The following LGR6 variants were observed in gnomAD, a reference collection of about 807,000 sequenced individuals.
LGR6 encodes the protein leucine rich repeat containing G protein-coupled receptor 6.
In LGR6, 45 loss-of-function variants were observed where a neutral mutation model predicts 69.4. That is an observed-to-expected ratio of 0.65 (90% confidence interval 0.51 to 0.83). The LOEUF is 0.83. Ranked by LOEUF, LGR6 falls within the 40% of genes least tolerant of loss-of-function variation. The pLI is 0.00. For missense variants in LGR6, 1,108 were observed against 1,246.7 expected (o/e 0.89, Z 1.68); for synonymous variants, 538 against 555.0 (o/e 0.97, Z 0.43).
rs1291283436 is a variant in LGR6, at chr1:202,193,942, G to T, written c.-48G>T. The T allele has an allele frequency of 1.7e-6, 2 of 1,199,958 alleles. No homozygotes were observed. The highest frequency in any genetic ancestry group is 2.1e-6 in the Non-Finnish European group (2 of 944,434). The allele number at this position is 1,199,958 out of a possible 1,614,324, so 74.3% of individuals were successfully genotyped here. A position where few individuals can be genotyped will look rare whatever the true frequency, so the allele number is the denominator to read the frequency against. Reference sequence around the variant, plus strand: ...AGGAAGCAGCTGCGGCCATCGCGCCGTGCGTCCGCGCCCGGCCGCCAGGTG... The same window carrying T: ...AGGAAGCAGCTGCGGCCATCGCGCCTTGCGTCCGCGCCCGGCCGCCAGGTG... On this transcript the variant is annotated 5_prime_UTR_variant, in exon 1 of 18. Transcript: ENST00000367278.
chr1:202,305,115 C>A (rs1019783701), intron 11 of LGR6, among the ~76,000 whole-genome samples: 1 of 152,072 alleles, frequency 6.6e-6, no homozygotes, highest in Non-Finnish European at 1.5e-5. Flanking sequence ...ATGGGTGGAC[C>A]AACGCATAGT....
At chr1:202,234,556 A>G (rs565604541) in intron 3 of LGR6, among the ~76,000 whole-genome samples, 2 of 152,308 alleles carry the variant, frequency 1.3e-5, no homozygotes, top group South Asian at 4.1e-4. Context: ...CCACTATGAT[A>G]GATGCTGTGG....
intron 4 of LGR6, among the ~76,000 whole-genome samples, chr1:202,244,850 G>C (rs1311881198): frequency 1.3e-5 from 2 of 152,208 alleles, no homozygotes; most frequent in Non-Finnish European, 2.9e-5. Context: ...CTAGAGTCAG[G>C]AAGAAAAACA....
rs141252120 is a variant in LGR6 at position 202,318,326 on chromosome 1, C to G, written c.2023C>G (p.Arg675Gly). 6.3e-7 allele frequency: 1 copy of G among 1,594,090 alleles called. No homozygotes were observed. Among genetic ancestry groups the G allele is most frequent in the East Asian group, 2.2e-5 (1 of 44,516 alleles). ...GTGCAGCGTCTCCGTCTCCTGTGTC[C>G]GGGCCTATGGGAAGTCCCCCTCCCT... ...VQCSVSVSCV[R>G]AYGKSPSLGS... Residue 675 changes from arginine to glycine, a missense_variant, in exon 18 of 18, where the codon CGG becomes GGG. Transcript: ENST00000367278.
At chr1:202,266,428 G>A (rs1018574715) in intron 4 of LGR6, among the ~76,000 whole-genome samples, 2 of 152,088 alleles carry the variant, frequency 1.3e-5, no homozygotes, top group Non-Finnish European at 2.9e-5. Flanking sequence ...AGCGCCCTGT[G>A]TATCAGCAAG....
intron 3 of LGR6, among the ~76,000 whole-genome samples, chr1:202,231,684 A>G (rs6681437): frequency 0.45 from 68,488 of 152,166 alleles, 15,633 homozygotes; most frequent in African/African-American, 0.5. Flanking sequence ...GTTCATACAC[A>G]TGATGATCGG....
chr1:202,281,011 C>G (rs1382272993), intron 6 of LGR6, 159 bp downstream of exon 6: 1 of 610,790 alleles, frequency 1.6e-6, no homozygotes, highest in East Asian at 2.9e-5. Context: ...GGCACTTTCT[C>G]TGGAATATCA....
chr1:202,278,704 G>C (rs562598125), intron 5 of LGR6, among the ~76,000 whole-genome samples: 1 of 152,256 alleles, frequency 6.6e-6, no homozygotes, highest in South Asian at 2.1e-4. Flanking sequence ...GACTGGATAT[G>C]ATGGGAAGCA....
intron 5 of LGR6, among the ~76,000 whole-genome samples, chr1:202,279,248 C>G (rs765796937): frequency 1.1e-4 from 17 of 152,166 alleles, no homozygotes; most frequent in Non-Finnish European, 2.1e-4. Context: ...GTGTTTTCCC[C>G]TTTGGATCAG....
intron 4 of LGR6, among the ~76,000 whole-genome samples, chr1:202,256,903 T>A (rs1307736716): frequency 6.6e-6 from 1 of 152,236 alleles, no homozygotes; most frequent in Admixed American, 6.5e-5. Flanking sequence ...ATTATAGCCA[T>A]CCTAGTGGGT....
Position 202,245,719 on chromosome 1 carries a change from C to T in LGR6, c.428+9726C>T, listed in dbSNP as rs529287312. ...GTGTAGGTGCAATTAAGCCCCCAGT[C>T]GGGACCAGGAGGTGGGTGATCCCTC... On this transcript the variant is annotated intron_variant, in intron 4 of 17. Transcript: ENST00000367278. Among the ~76,000 whole-genome samples, 13 of 152,214 alleles carry T rather than the reference C, an allele frequency of 8.5e-5. 2 individuals are homozygous for T. Among genetic ancestry groups the T allele is most frequent in the African/African-American group, 1.9e-4 (8 of 41,542 alleles).
chr1:202,209,616 T>TA (rs536482399), intron 1 of LGR6, among the ~76,000 whole-genome samples: 37 of 152,246 alleles, frequency 2.4e-4, no homozygotes, highest in Non-Finnish European at 4.9e-4. Context: ...AATACTTAGT[T>TA]AAAAAAAGTG....
In LGR6 at chr1:202,194,158, C is replaced by T. The variant is rs1289965569; in HGVS notation, c.169C>T (p.Leu57=). 1.5e-5 allele frequency: 23 copies of T among 1,573,900 alleles called. No individual in the cohort carries two copies. Among genetic ancestry groups the T allele is most frequent in the Non-Finnish European group, 1.9e-5 (22 of 1,169,020 alleles). ...GTCTGCCGACTGCTCTGAGCTCGGG[C>T]TGTCCGCCGTTCCGGGGGACCTGGA... is the stretch of plus-strand genomic sequence containing the variant. The part of the protein sequence containing the change: ...MLSADCSELG[L]SAVPGDLDPL... The change falls in exon 1 of 18, where the codon CTG becomes TTG. Residue 57 remains leucine (L), a synonymous_variant. Coordinates refer to ENST00000367278, the MANE Select transcript of LGR6 (RefSeq NM_001017403.2).
intron 6 of LGR6, among the ~76,000 whole-genome samples, chr1:202,288,141 A>G (rs1666533291): frequency 1.3e-5 from 2 of 152,158 alleles, no homozygotes; most frequent in African/African-American, 4.8e-5. Flanking sequence ...TTGTTCCTGC[A>G]TCAAGCCTTT....
At chr1:202,213,913 A>G (rs901403657) in intron 1 of LGR6, among the ~76,000 whole-genome samples, 1 of 152,154 alleles carries the variant, frequency 6.6e-6, no homozygotes, top group African/African-American at 2.4e-5. Flanking sequence ...AGCATGAGGG[A>G]GTGAGGCTAG....
chr1:202,297,872 CT>C (rs1667279509), intron 7 of LGR6, among the ~76,000 whole-genome samples: 1 of 152,232 alleles, frequency 6.6e-6, no homozygotes, highest in African/African-American at 2.4e-5. Context: ...TAGCCTGGGC[CT>C]GGCACTGCCC....
At chr1:202,284,364 TCCCCA>T in intron 6 of LGR6, among the ~76,000 whole-genome samples, 1 of 152,212 alleles carries the variant, frequency 6.6e-6, no homozygotes, top group East Asian at 1.9e-4. Context: ...GGTGGTCTAG[TCCCCA>T]GACTGTGAAG....
At chr1:202,308,899 C>T (rs111434509) in intron 14 of LGR6, 152 bp from the exon 15 acceptor site, 19 of 883,970 alleles carry the variant, frequency 2.1e-5, no homozygotes, top group Admixed American at 8.4e-5. Flanking sequence ...CCTCCTCCCT[C>T]GGCATTCAAT....
chr1:202,263,221 C>G (rs1463608555), intron 4 of LGR6, among the ~76,000 whole-genome samples: 1 of 152,092 alleles, frequency 6.6e-6, no homozygotes, highest in East Asian at 1.9e-4. Context: ...CTCCCGGGTT[C>G]AAGCAATTCT....
Sources: gnomAD v4.1 joint callset for allele counts (sites outside exome capture counted in the v4.1 genomes callset) on GRCh38, gnomAD v4.1.1 for gene constraint, MANE v1.5 for transcripts, NCBI Gene and HGNC (gene_info 2026-07-23, HGNC 2026-07-21) for gene names.